PLAC1: variants seen among roughly 807,000 people sequenced by gnomAD.
PLAC1 encodes placenta associated 1.
For missense variants in PLAC1, 136 were observed against 163.2 expected, an observed-to-expected ratio of 0.83 and a Z score of 0.91; for synonymous variants, 68 against 62.1, an observed-to-expected ratio of 1.09 and a Z score of -0.44.
chrX:134,724,581 C>T (rs1392011264), intron 2 of PLAC1, among the ~76,000 whole-genome samples: 1 of 112,636 alleles, frequency 8.9e-6, no homozygotes, highest in Admixed American at 9.4e-5. Flanking sequence ...TTCTGGAAAA[C>T]AAAGATAACT....
intron 2 of PLAC1, among the ~76,000 whole-genome samples, chrX:134,582,397 C>A (rs774600690): frequency 8.9e-6 from 1 of 111,916 alleles, no homozygotes; most frequent in African/African-American, 3.2e-5. Context: ...CTCTTTTAAG[C>A]CTCTCCTTTA....
intron 1 of PLAC1, among the ~76,000 whole-genome samples, chrX:134,631,794 G>GC (rs1053079871): frequency 5.4e-5 from 6 of 111,808 alleles, no homozygotes; most frequent in Non-Finnish European, 7.5e-5. Flanking sequence ...GTTTTTTCAT[G>GC]CCCCCCAAAA....
At chrX:134,682,149 C>A in intron 2 of PLAC1, among the ~76,000 whole-genome samples, 1 of 112,330 alleles carries the variant, frequency 8.9e-6, no homozygotes, top group Non-Finnish European at 1.9e-5. Flanking sequence ...CGTTGATGAT[C>A]ATTGTCTAAA....
chrX:134,580,888 C>T (rs748047290), intron 2 of PLAC1, among the ~76,000 whole-genome samples: 1 of 111,573 alleles, frequency 9.0e-6, no homozygotes, highest in Non-Finnish European at 1.9e-5. Context: ...TCTGTTTTGA[C>T]GAGGGAAATG....
intron 2 of PLAC1, among the ~76,000 whole-genome samples, chrX:134,693,947 T>A (rs1022088567): frequency 9.0e-6 from 1 of 111,458 alleles, no homozygotes; most frequent in Non-Finnish European, 1.9e-5. Context: ...GAAAAAGTGA[T>A]CTGGTACAAG....
At chrX:134,736,538 G>T (rs1448436753) in intron 1 of PLAC1, among the ~76,000 whole-genome samples, 3 of 110,817 alleles carry the variant, frequency 2.7e-5, no homozygotes, top group Non-Finnish European at 3.8e-5. Context: ...AAAAGAAAGG[G>T]TTGGCTGGGC....
At chrX:134,673,931 T>C (rs896971401) in intron 2 of PLAC1, among the ~76,000 whole-genome samples, 5 of 113,197 alleles carry the variant, frequency 4.4e-5, no homozygotes, top group Non-Finnish European at 9.4e-5. Flanking sequence ...GTAGGACCGT[T>C]CACACGGTCT....
At chrX:134,695,750 T>C (rs2078560754) in intron 2 of PLAC1, among the ~76,000 whole-genome samples, 1 of 112,463 alleles carries the variant, frequency 8.9e-6, no homozygotes, top group South Asian at 3.7e-4. Context: ...CAATAAATTA[T>C]TGATAAAAGT....
chrX:134,710,037 TA>T (rs1213994792), intron 2 of PLAC1, among the ~76,000 whole-genome samples: 1 of 111,384 alleles, frequency 9.0e-6, no homozygotes. Flanking sequence ...AGTATAAAGT[TA>T]AAGATAAGCC....
intron 1 of PLAC1, among the ~76,000 whole-genome samples, chrX:134,637,319 T>G (rs1216322347): frequency 9.0e-6 from 1 of 111,421 alleles, no homozygotes; most frequent in Non-Finnish European, 1.9e-5. Context: ...AAGAAGACAT[T>G]GACCAGGCTT....
At chrX:134,751,969 C>T (rs1422051429) in intron 1 of PLAC1, among the ~76,000 whole-genome samples, 1 of 112,108 alleles carries the variant, frequency 8.9e-6, no homozygotes, top group East Asian at 2.8e-4. Context: ...CTTTCCAACC[C>T]AGTTAATTCC....
chrX:134,730,353 T>C (rs2078685198), intron 2 of PLAC1, among the ~76,000 whole-genome samples: 1 of 112,203 alleles, frequency 8.9e-6, no homozygotes, highest in Non-Finnish European at 1.9e-5. Flanking sequence ...TAGAGCAAGG[T>C]TTCCCAATGG....
chrX:134,747,736 A>G (rs189934342), intron 1 of PLAC1, among the ~76,000 whole-genome samples: 5 of 111,773 alleles, frequency 4.5e-5, no homozygotes, highest in Non-Finnish European at 7.5e-5. Context: ...TAATGCCACA[A>G]ATATTACAAT....
chrX:134,697,356 T>TA lies in PLAC1; in HGVS notation n.174+36078dup, dbSNP rs1057211133. Among the ~76,000 whole-genome samples the TA allele has an allele frequency of 1.2e-3, 133 of 108,428 alleles. 1 individual carries two copies. Among genetic ancestry groups the TA allele is most frequent in the East Asian group, 8.1e-3 (28 of 3,476 alleles). The allele number at this position is 108,428 out of a possible 115,157, so 94.2% of individuals were successfully genotyped here. ...TGATAAAAAGAATGTATGGTCATTG[T>TA]AAAAAAAAAATCTAACACAATACAA... On this transcript the variant is annotated intron_variant and non_coding_transcript_variant, in intron 2 of 2. Coordinates refer to the PLAC1 transcript ENST00000466797.
chrX:134,570,074 C>T (rs938355309), intron 2 of PLAC1, among the ~76,000 whole-genome samples: 4 of 111,682 alleles, frequency 3.6e-5, no homozygotes, highest in Non-Finnish European at 1.9e-5. Context: ...AGGTGATCCG[C>T]CTGCCTTGGC....
intron 1 of PLAC1, among the ~76,000 whole-genome samples, chrX:134,648,366 C>T (rs1055386610): frequency 9.0e-6 from 1 of 111,521 alleles, no homozygotes; most frequent in Admixed American, 9.5e-5. Flanking sequence ...CCTCATAGAC[C>T]ATCTATACCA....
chrX:134,580,096 T>C (rs1470534009), intron 2 of PLAC1, among the ~76,000 whole-genome samples: 1 of 112,318 alleles, frequency 8.9e-6, no homozygotes, highest in African/African-American at 3.2e-5. Context: ...AACTTGGATA[T>C]TTTGTCTTAT....
rs186785153 is a variant in PLAC1 at position 134,580,250 on chromosome X, C to T, written c.-58-13510G>A. ...CTTTCATCATAGGCAGTTGCTTAAA[C>T]GTAGCGACTGAGATTCCCGCAGAAA... On this transcript the variant is annotated intron_variant, in intron 2 of 2. Transcript: ENST00000359237. Among the ~76,000 whole-genome samples the T allele has an allele frequency of 3.0e-3, 334 of 112,181 alleles. 6 individuals carry two copies. The highest frequency in any genetic ancestry group is 0.01 in the African/African-American group (314 of 30,896).
chrX:134,653,402 C>G (rs1342002270), intron 1 of PLAC1, among the ~76,000 whole-genome samples: 2 of 112,511 alleles, frequency 1.8e-5, no homozygotes, highest in Non-Finnish European at 3.8e-5. Flanking sequence ...GAGATCCTGT[C>G]TTTACCTCTG....
Sources: gnomAD v4.1 joint callset for allele counts (sites outside exome capture counted in the v4.1 genomes callset) on GRCh38, gnomAD v4.1.1 for gene constraint, MANE v1.5 for transcripts, NCBI Gene and HGNC (gene_info 2026-07-23, HGNC 2026-07-21) for gene names.